NR3C2: variants seen among roughly 807,000 people sequenced by gnomAD.
NR3C2 encodes nuclear receptor subfamily 3 group C member 2.
In NR3C2, 15 loss-of-function variants were observed where a neutral mutation model predicts 86.4. The ratio of observed to expected loss-of-function variants is 0.17; its 90% confidence interval spans 0.12 to 0.27. The LOEUF (loss-of-function observed/expected upper bound fraction) is 0.27. NR3C2 is among the 10% of genes least tolerant of loss of function. The pLI, the probability that NR3C2 is intolerant of heterozygous loss-of-function variation, is 1.00. For synonymous variants in NR3C2, 458 were observed against 450.5 expected, an observed-to-expected ratio of 1.02 and a Z score of -0.21; for missense variants, 960 against 1,195.6, an observed-to-expected ratio of 0.80 and a Z score of 2.91.
At chr4:148,117,651 T>C (rs1732332428) in intron 7 of NR3C2, among the ~76,000 whole-genome samples, 1 of 152,192 alleles carries the variant, frequency 6.6e-6, no homozygotes, top group African/African-American at 2.4e-5. Flanking sequence ...CAAACACAGG[T>C]AAAGCAGGAT....
intron 4 of NR3C2, among the ~76,000 whole-genome samples, chr4:148,159,606 G>A (rs1020225675): frequency 6.6e-6 from 1 of 152,182 alleles, no homozygotes; most frequent in Non-Finnish European, 1.5e-5. Flanking sequence ...GTAAATACCA[G>A]GGTGAGGATT....
chr4:148,340,637 G>A (rs1003894041), intron 2 of NR3C2, among the ~76,000 whole-genome samples: 1 of 152,008 alleles, frequency 6.6e-6, no homozygotes, highest in Non-Finnish European at 1.5e-5. Context: ...ACACAAATGG[G>A]ATCCTATCAA....
chr4:148,315,879 T>C (rs1404042822), intron 2 of NR3C2, among the ~76,000 whole-genome samples: 5 of 152,338 alleles, frequency 3.3e-5, no homozygotes, highest in Non-Finnish European at 5.9e-5. Flanking sequence ...GTAAATTGTA[T>C]TGCAGTAATG....
upstream of NR3C2, chr4:148,444,927 G>T (rs1191631172): frequency 2.0e-6 from 2 of 984,906 alleles, no homozygotes; most frequent in African/African-American, 3.5e-5. Flanking sequence ...CCCCTCCCCG[G>T]GCCCTGGGTG....
chr4:148,102,520 G>A (rs907011695), intron 8 of NR3C2, among the ~76,000 whole-genome samples: 1 of 151,930 alleles, frequency 6.6e-6, no homozygotes, highest in Non-Finnish European at 1.5e-5. Context: ...TCCAACTCTG[G>A]GGAGTTCTCT....
At chr4:148,180,460 C>T (rs1389375354) in intron 4 of NR3C2, among the ~76,000 whole-genome samples, 1 of 146,600 alleles carries the variant, frequency 6.8e-6, no homozygotes, top group Non-Finnish European at 1.5e-5. Flanking sequence ...GTGTCTTTAT[C>T]TCTTCTGCTT....
chr4:148,365,285 AG>A (rs971851075), intron 2 of NR3C2, among the ~76,000 whole-genome samples: 2 of 152,204 alleles, frequency 1.3e-5, no homozygotes, highest in African/African-American at 4.8e-5. Context: ...CTCTCACATG[AG>A]GTCAGCTGTG....
intron 1 of NR3C2, among the ~76,000 whole-genome samples, chr4:148,441,741 G>A (rs1450845227): frequency 6.6e-6 from 1 of 152,218 alleles, no homozygotes; most frequent in South Asian, 2.1e-4. Context: ...GGATCTATTA[G>A]GATCTATATC....
intron 2 of NR3C2, among the ~76,000 whole-genome samples, chr4:148,271,449 T>C (rs1740678435): frequency 4.4e-5 from 4 of 90,862 alleles, no homozygotes; most frequent in African/African-American, 2.1e-4. Flanking sequence ...AGCCTAAGGT[T>C]TCAGAAAGGC....
intron 3 of NR3C2, among the ~76,000 whole-genome samples, chr4:148,245,719 G>GA (rs1397160491): frequency 2.0e-5 from 3 of 151,898 alleles, no homozygotes; most frequent in East Asian, 3.9e-4. Context: ...CTATTAAAAT[G>GA]AAAAAAAGCA....
chr4:148,323,600 C>A (rs961813039), intron 2 of NR3C2, among the ~76,000 whole-genome samples: 15 of 151,968 alleles, frequency 9.9e-5, no homozygotes, highest in African/African-American at 3.1e-4. Flanking sequence ...TTTTTCAGCC[C>A]GTCGGAAAAG....
At chr4:148,203,652 T>TC (rs1409069821) in intron 3 of NR3C2, among the ~76,000 whole-genome samples, 5 of 64,668 alleles carry the variant, frequency 7.7e-5, no homozygotes, top group African/African-American at 2.9e-4. Context: ...CCCCCATCCC[T>TC]CCCCCCGCCC....
chr4:148,267,979 G>A (rs1433548584), intron 2 of NR3C2, among the ~76,000 whole-genome samples: 7 of 134,826 alleles, frequency 5.2e-5, no homozygotes, highest in South Asian at 2.5e-4. Flanking sequence ...TTGCTCTGTC[G>A]CCCAGGCTGG....
At chr4:148,281,400 C>T (rs758332069) in intron 2 of NR3C2, among the ~76,000 whole-genome samples, 30 of 152,348 alleles carry the variant, frequency 2.0e-4, no homozygotes, top group African/African-American at 6.3e-4. Context: ...AACACAGTGA[C>T]TTACGTCCTT....
Position 148,193,302 on chromosome 4 carries a change from T to C in NR3C2, c.2014+1444A>G, listed in dbSNP as rs192175864. On this transcript the variant is annotated intron_variant, in intron 4 of 8. Coordinates refer to ENST00000358102, the MANE Select transcript of NR3C2 (RefSeq NM_000901.5). ...GAGGAGGGTCTCCCTTTCCCACTTC[T>C]GCAGTTGGGGCACTCACAGTAACTG... 5.0e-3 allele frequency among the ~76,000 whole-genome samples: 768 copies of C among 152,334 alleles called. 4 individuals carry two copies. The highest frequency in any genetic ancestry group is 0.017 in the African/African-American group (706 of 41,572).
intron 3 of NR3C2, among the ~76,000 whole-genome samples, chr4:148,230,460 G>A (rs1202062753): frequency 6.6e-6 from 1 of 152,144 alleles, no homozygotes; most frequent in Non-Finnish European, 1.5e-5. Flanking sequence ...GCCTCCCTAA[G>A]TGCTGGGATT....
At chr4:148,426,278 C>T (rs1334592231) in intron 2 of NR3C2, among the ~76,000 whole-genome samples, 4 of 152,178 alleles carry the variant, frequency 2.6e-5, no homozygotes, top group Non-Finnish European at 4.4e-5. Context: ...TCTTGAAAAT[C>T]ACCAGCACCC....
At chr4:148,403,334 G>T (rs1379084020) in intron 2 of NR3C2, among the ~76,000 whole-genome samples, 3 of 151,932 alleles carry the variant, frequency 2.0e-5, no homozygotes, top group African/African-American at 7.2e-5. Context: ...CTTTGTTATG[G>T]TCTGCTTTCC....
chr4:148,141,695 G>A (rs554898388), intron 6 of NR3C2, among the ~76,000 whole-genome samples: 22 of 152,262 alleles, frequency 1.4e-4, no homozygotes, highest in African/African-American at 2.6e-4. Flanking sequence ...GGCAGCAGGC[G>A]AGTGAGTGTT....
Sources: allele counts gnomAD v4.1 joint callset (sites outside exome capture counted in the v4.1 genomes callset), GRCh38; gene constraint gnomAD v4.1.1; transcripts MANE v1.5; gene names NCBI Gene and HGNC (gene_info 2026-07-23, HGNC 2026-07-21).